Variants in CNTNAP2 observed in about 807,000 individuals in gnomAD.
The protein encoded by CNTNAP2 is contactin-associated protein-like 2.
CNTNAP2 carries 98 observed loss-of-function variants against 155.2 expected under a neutral mutation model. That is an observed-to-expected ratio of 0.63 (90% CI 0.54 to 0.75). CNTNAP2 has a LOEUF of 0.75. CNTNAP2 is among the 30% of genes least tolerant of loss of function. The pLI, the probability that CNTNAP2 is intolerant of heterozygous loss-of-function variation, is 0.00. For missense variants in CNTNAP2, 1,727 were observed against 1,688.1 expected (o/e 1.02, Z -0.40); for synonymous variants, 651 against 631.2 (o/e 1.03, Z -0.47).
intron 1 of CNTNAP2, among the ~76,000 whole-genome samples, chr7:146,438,544 T>G (rs905454999): frequency 6.6e-6 from 1 of 151,506 alleles, no homozygotes; most frequent in African/African-American, 2.4e-5. Flanking sequence ...TATATTTCTT[T>G]TATTAGTTTG....
At chr7:146,221,995 G>A (rs1799214974) in intron 1 of CNTNAP2, among the ~76,000 whole-genome samples, 1 of 152,154 alleles carries the variant, frequency 6.6e-6, no homozygotes, top group African/African-American at 2.4e-5. Flanking sequence ...GTGAAAGGAA[G>A]GAGGGAGGAC....
In CNTNAP2 at chr7:147,160,355, C is replaced by T. The variant is rs142639284; in HGVS notation, c.1348+27846C>T. On this transcript the variant is annotated intron_variant, in intron 8 of 23. Coordinates refer to ENST00000361727, the MANE Select transcript of CNTNAP2 (RefSeq NM_014141.6). Reference sequence around the variant, plus strand: ...AATTATGGAAATATGGAATAAAATGCCCCAGTTAACCTCTGGCTCAGAGGA... The same window carrying T: ...AATTATGGAAATATGGAATAAAATGTCCCAGTTAACCTCTGGCTCAGAGGA... Among the ~76,000 whole-genome samples, 13 of 152,120 alleles carry T rather than the reference C, an allele frequency of 8.5e-5. No homozygotes were observed. In the East Asian group the frequency reaches 2.3e-3, roughly 27 times the overall value.
intron 2 of CNTNAP2, among the ~76,000 whole-genome samples, chr7:146,811,853 T>A (rs1803072738): frequency 6.6e-6 from 1 of 152,240 alleles, no homozygotes; most frequent in Non-Finnish European, 1.5e-5. Context: ...ACAAGAGGCT[T>A]TTTTCTCTTT....
At chr7:147,213,646 T>C (rs566644800) in intron 8 of CNTNAP2, among the ~76,000 whole-genome samples, 5 of 152,148 alleles carry the variant, frequency 3.3e-5, no homozygotes, top group East Asian at 3.9e-4. Context: ...TGAATACAGA[T>C]ATTTTAAAGA....
chr7:147,247,909 T>C (rs11761111), intron 8 of CNTNAP2, among the ~76,000 whole-genome samples: 10,601 of 152,094 alleles, frequency 0.07, 528 homozygotes, highest in Non-Finnish European at 0.11. Context: ...TTTAGGTATA[T>C]AGAAATTTTA....
At chr7:147,571,043 GT>G (rs1800278656) in intron 12 of CNTNAP2, among the ~76,000 whole-genome samples, 1 of 152,062 alleles carries the variant, frequency 6.6e-6, no homozygotes, top group Admixed American at 6.6e-5. Context: ...ATGCCTTGGG[GT>G]TTTTAATCAG....
chr7:147,068,649 G>A (rs1456708327), intron 4 of CNTNAP2, among the ~76,000 whole-genome samples: 10 of 152,212 alleles, frequency 6.6e-5, no homozygotes, highest in East Asian at 3.9e-4. Context: ...GAGCCACTGC[G>A]CTTGGCCACA....
At chr7:147,215,155 T>C (rs1803239439) in intron 8 of CNTNAP2, among the ~76,000 whole-genome samples, 1 of 152,142 alleles carries the variant, frequency 6.6e-6, no homozygotes, top group Non-Finnish European at 1.5e-5. Context: ...ATTATATCAA[T>C]GAAGTGTGGT....
At chr7:147,443,264 C>G (rs566941120) in intron 10 of CNTNAP2, among the ~76,000 whole-genome samples, 1 of 152,224 alleles carries the variant, frequency 6.6e-6, no homozygotes, top group South Asian at 2.1e-4. Context: ...TGGGTGTCAG[C>G]GGAGTTTGAT....
intron 13 of CNTNAP2, among the ~76,000 whole-genome samples, chr7:147,709,319 G>T (rs546173354): frequency 6.6e-6 from 1 of 152,064 alleles, no homozygotes; most frequent in Non-Finnish European, 1.5e-5. Flanking sequence ...GCCCAATCCC[G>T]CATCTTACTT....
At chr7:147,197,615 C>G (rs1802833047) in intron 8 of CNTNAP2, among the ~76,000 whole-genome samples, 1 of 152,092 alleles carries the variant, frequency 6.6e-6, no homozygotes, top group Non-Finnish European at 1.5e-5. Context: ...ATTAACAAAC[C>G]AATGAACAGG....
chr7:148,299,618 G>C (rs958577340), intron 21 of CNTNAP2, among the ~76,000 whole-genome samples: 18 of 152,170 alleles, frequency 1.2e-4, no homozygotes, highest in African/African-American at 4.1e-4. Context: ...TGCTTCCCTC[G>C]GGCCTCAGCT....
chr7:147,402,362 C>G (rs564049334), intron 10 of CNTNAP2, among the ~76,000 whole-genome samples: 1 of 152,330 alleles, frequency 6.6e-6, no homozygotes, highest in South Asian at 2.1e-4. Flanking sequence ...GGTCCCACTT[C>G]TGTCCCTGCC....
At position 147,339,317 on chromosome 7, in the gene CNTNAP2, T is replaced by G. The variant is rs76740230; in HGVS notation, c.1498+39027T>G. 8.7e-3 allele frequency among the ~76,000 whole-genome samples: 1,322 copies of G among 152,002 alleles called. 22 individuals are homozygous for G. Among genetic ancestry groups the G allele is most frequent in the African/African-American group, 0.031 (1,268 of 41,464 alleles). ...TGACTAGGTCACCCTCCTGTGGGGG[T>G]GTGTGGATTCTGTTTTGCAGGAATG... On this transcript the variant is annotated intron_variant, in intron 9 of 23. Coordinates refer to ENST00000361727, the MANE Select transcript of CNTNAP2 (RefSeq NM_014141.6).
chr7:146,741,256 C>T (rs985704841), intron 1 of CNTNAP2, among the ~76,000 whole-genome samples: 6 of 152,044 alleles, frequency 3.9e-5, no homozygotes, highest in Non-Finnish European at 7.4e-5. Context: ...GCCCTTGTGA[C>T]GTTATTTTTG....
Position 146,181,388 on chromosome 7 carries a change from G to A in CNTNAP2, c.97+64415G>A, listed in dbSNP as rs576300848. 2.4e-4 allele frequency among the ~76,000 whole-genome samples: 36 copies of A among 152,148 alleles called. No individual in the cohort carries two copies. The South Asian group carries it at 2.9e-3, about 12-fold the overall frequency. On this transcript the variant is annotated intron_variant, in intron 1 of 23. Coordinates refer to ENST00000361727, the MANE Select transcript of CNTNAP2 (RefSeq NM_014141.6). ...GTAACAGAAAAAAAGTTCTAGATGTGTTTAGGGTAACATGCCATGATAAAT... is the reference window on the plus strand; with the variant it reads ...GTAACAGAAAAAAAGTTCTAGATGTATTTAGGGTAACATGCCATGATAAAT...
intron 3 of CNTNAP2, among the ~76,000 whole-genome samples, chr7:146,973,387 A>G (rs758156557): frequency 3.3e-5 from 5 of 152,210 alleles, no homozygotes; most frequent in Admixed American, 6.5e-5. Context: ...ACTAATGGAC[A>G]GTGCAGATGT....
At chr7:147,456,904 A>G (rs1368525730) in intron 10 of CNTNAP2, among the ~76,000 whole-genome samples, 1 of 152,168 alleles carries the variant, frequency 6.6e-6, no homozygotes, top group African/African-American at 2.4e-5. Context: ...GGTCTGTATA[A>G]TCATTTGGTG....
In CNTNAP2 at chr7:146,883,506, A is replaced by G. The variant is rs538277554; in HGVS notation, c.402+43602A>G. On this transcript the variant is annotated intron_variant, in intron 3 of 23. Coordinates refer to ENST00000361727, the MANE Select transcript of CNTNAP2 (RefSeq NM_014141.6). ...AGAAAACAGTTTTTATTTTCATTGG[A>G]ATATTCTCATAAGAACCAAATAAAC... Among the ~76,000 whole-genome samples, 33 of 152,290 alleles carry G rather than the reference A, an allele frequency of 2.2e-4. 2 individuals are homozygous for G. In the South Asian group the frequency reaches 6.8e-3, roughly 32 times the overall value.
Sources: allele counts gnomAD v4.1 joint callset (sites outside exome capture counted in the v4.1 genomes callset), GRCh38; gene constraint gnomAD v4.1.1; transcripts MANE v1.5; gene names NCBI Gene and HGNC (gene_info 2026-07-23, HGNC 2026-07-21).